Variants in PVT1 observed in about 807,000 individuals in gnomAD.
PVT1 encodes Pvt1 oncogene, also known as CXCR4/PVT1 fusion.
intron 4 of PVT1, among the ~76,000 whole-genome samples, chr8:128,014,828 C>T (rs1817353054): frequency 6.6e-6 from 1 of 152,130 alleles, no homozygotes; most frequent in Non-Finnish European, 1.5e-5. Flanking sequence ...TTCTGGAGTG[C>T]TTTGTACTCT....
At chr8:128,090,679 A>G (rs955714568) in intron 5 of PVT1, among the ~76,000 whole-genome samples, 3 of 152,112 alleles carry the variant, frequency 2.0e-5, no homozygotes, top group Admixed American at 1.3e-4. Flanking sequence ...TGAAGGAACT[A>G]CTGGCAGACA....
At chr8:127,910,315 T>C (rs1404551079) in intron 3 of PVT1, among the ~76,000 whole-genome samples, 2 of 152,172 alleles carry the variant, frequency 1.3e-5, no homozygotes, top group Non-Finnish European at 2.9e-5. Flanking sequence ...TAGAAGGTGG[T>C]TTTTGTTCCA....
At chr8:127,924,595 T>G (rs953993696) in intron 3 of PVT1, among the ~76,000 whole-genome samples, 1 of 149,042 alleles carries the variant, frequency 6.7e-6, no homozygotes, top group African/African-American at 2.5e-5. Context: ...CACTGTAAGC[T>G]CCGCCTCCCG....
intron 2 of PVT1, among the ~76,000 whole-genome samples, chr8:127,853,929 C>A (rs1815132846): frequency 1.3e-5 from 2 of 152,204 alleles, no homozygotes; most frequent in Admixed American, 1.3e-4. Context: ...TTTACCCCCG[C>A]CCCCATCCCG....
At chr8:127,863,277 A>AT (rs1221885664) in intron 2 of PVT1, among the ~76,000 whole-genome samples, 5 of 151,734 alleles carry the variant, frequency 3.3e-5, no homozygotes, top group East Asian at 3.9e-4. Flanking sequence ...GCGCCAGCTA[A>AT]TTTTTTGCAT....
At chr8:127,986,001 C>G (rs1816965966) in intron 3 of PVT1, among the ~76,000 whole-genome samples, 1 of 152,198 alleles carries the variant, frequency 6.6e-6, no homozygotes, top group Non-Finnish European at 1.5e-5. Flanking sequence ...CATCCAAGAA[C>G]TGGTAGCAGA....
chr8:128,096,080 TAACC>T (rs1345072281), intron 5 of PVT1, among the ~76,000 whole-genome samples: 1 of 152,222 alleles, frequency 6.6e-6, no homozygotes, highest in East Asian at 1.9e-4. Context: ...TAAAAAAAGA[TAACC>T]AACCAGGTAC....
intron 4 of PVT1, among the ~76,000 whole-genome samples, chr8:128,036,779 A>C (rs1309601122): frequency 2.0e-5 from 3 of 152,178 alleles, no homozygotes; most frequent in African/African-American, 7.2e-5. Flanking sequence ...GGGTTACCGC[A>C]CCTGGGTTTT....
intron 3 of PVT1, among the ~76,000 whole-genome samples, chr8:127,954,254 T>C (rs1435198249): frequency 6.6e-6 from 1 of 151,284 alleles, no homozygotes; most frequent in Admixed American, 6.6e-5. Context: ...TGTCTTGTTG[T>C]GGTTGTGTGA....
chr8:127,852,459 C>T (rs1201371755), intron 2 of PVT1: 1 of 152,272 alleles, frequency 6.6e-6, no homozygotes, highest in Admixed American at 6.5e-5. Flanking sequence ...TGCGTCGACT[C>T]TGCCTCTAGC....
intron 3 of PVT1, among the ~76,000 whole-genome samples, chr8:127,907,357 G>T (rs1027100385): frequency 1.3e-5 from 2 of 152,136 alleles, no homozygotes; most frequent in African/African-American, 4.8e-5. Flanking sequence ...CAGGGCTCTG[G>T]TCCCAGATGG....
intron 2 of PVT1, among the ~76,000 whole-genome samples, chr8:127,847,881 A>G (rs1226580614): frequency 6.6e-6 from 1 of 152,068 alleles, no homozygotes; most frequent in Non-Finnish European, 1.5e-5. Flanking sequence ...AGACTGGGTT[A>G]GGGAGGAAGA....
chr8:128,079,658 C>G (rs1814148098), intron 5 of PVT1, among the ~76,000 whole-genome samples: 3 of 152,198 alleles, frequency 2.0e-5, no homozygotes, highest in Non-Finnish European at 4.4e-5. Context: ...TGGCAACCCA[C>G]TAATCTCCAT....
At chr8:128,067,535 C>G (rs1813925127) in intron 4 of PVT1, among the ~76,000 whole-genome samples, 1 of 152,172 alleles carries the variant, frequency 6.6e-6, no homozygotes, top group African/African-American at 2.4e-5. Context: ...AAGGAACACA[C>G]AGGATGTCTT....
At chr8:127,981,686 T>C (rs1218615533) in intron 3 of PVT1, among the ~76,000 whole-genome samples, 1 of 151,942 alleles carries the variant, frequency 6.6e-6, no homozygotes, top group Non-Finnish European at 1.5e-5. Flanking sequence ...AGACTAGGAG[T>C]GGAAATACTT....
At chr8:127,922,051 G>A (rs989296188) in intron 3 of PVT1, among the ~76,000 whole-genome samples, 2 of 151,450 alleles carry the variant, frequency 1.3e-5, no homozygotes, top group Non-Finnish European at 2.9e-5. Context: ...AGTAGAGACG[G>A]TGTTTCACCA....
chr8:128,068,567 G>C (rs1052767195), intron 4 of PVT1, among the ~76,000 whole-genome samples: 3 of 152,164 alleles, frequency 2.0e-5, no homozygotes, highest in African/African-American at 7.2e-5. Flanking sequence ...TGCGATCTCG[G>C]CTCACTGCAA....
At chr8:127,808,307 C>A (rs1472870967) in intron 2 of PVT1, among the ~76,000 whole-genome samples, 1 of 152,194 alleles carries the variant, frequency 6.6e-6, no homozygotes, top group African/African-American at 2.4e-5. Flanking sequence ...CTCAGCCTCC[C>A]AAAGTGCTGG....
intron 3 of PVT1, among the ~76,000 whole-genome samples, chr8:127,933,442 G>A (rs1234032166): frequency 6.6e-6 from 1 of 152,214 alleles, no homozygotes; most frequent in Admixed American, 6.5e-5. Flanking sequence ...TTTAGAAATA[G>A]AACTCATTCC....
Sources: allele counts gnomAD v4.1 joint callset (sites outside exome capture counted in the v4.1 genomes callset), GRCh38; gene constraint gnomAD v4.1.1; transcripts MANE v1.5; gene names NCBI Gene and HGNC (gene_info 2026-07-23, HGNC 2026-07-21).